The following PHF8 variants were observed in gnomAD, a reference collection of about 807,000 sequenced individuals.
PHF8 encodes PHD finger protein 8, also known as histone lysine demethylase PHF8.
PHF8 carries 9 observed loss-of-function variants against 74.4 expected under a neutral mutation model. The observed-to-expected ratio is 0.12, with a 90% CI of 0.07 to 0.21. The LOEUF (loss-of-function observed/expected upper bound fraction) is 0.21. Ranked by LOEUF, PHF8 falls within the 10% of genes least tolerant of loss-of-function variation. The pLI is 1.00. For missense variants in PHF8, 478 were observed against 816.6 expected (o/e 0.59, Z 5.05); for synonymous variants, 311 against 316.6 (o/e 0.98, Z 0.19).
At chrX:54,047,634 A>AG (rs1317251393), upstream of PHF8, among the ~76,000 whole-genome samples, 1 of 111,732 alleles carries the variant, frequency 8.9e-6, no homozygotes, top group Non-Finnish European at 1.9e-5. Flanking sequence ...CTGGGGATTT[A>AG]GGGGTAAACA....
intron 7 of PHF8, among the ~76,000 whole-genome samples, chrX:54,011,801 T>C (rs1407575063): frequency 9.4e-6 from 1 of 106,778 alleles, no homozygotes; most frequent in Non-Finnish European, 1.9e-5. Context: ...GATTATCTTT[T>C]GGAAGAACAT....
intron 20 of PHF8, chrX:53,942,558 A>G (rs782391881): frequency 3.0e-5 from 9 of 297,720 alleles, no homozygotes; most frequent in South Asian, 1.7e-4. Context: ...AATACTGACT[A>G]AACACATTTT....
At chrX:54,001,053 C>T (rs1182870651) in intron 10 of PHF8, among the ~76,000 whole-genome samples, 3 of 112,392 alleles carry the variant, frequency 2.7e-5, no homozygotes, top group Admixed American at 9.4e-5. Context: ...TTTGGCCAGG[C>T]GTGGTGGCTC....
chrX:54,037,239 TTTTG>T (rs1332009082), intron 2 of PHF8, among the ~76,000 whole-genome samples: 5 of 111,242 alleles, frequency 4.5e-5, no homozygotes, highest in African/African-American at 6.6e-5. Flanking sequence ...GACAAATTTT[TTTTG>T]TTTGTTTGTT....
At chrX:53,956,677 T>C (rs1476435798) in intron 19 of PHF8, among the ~76,000 whole-genome samples, 2 of 95,039 alleles carry the variant, frequency 2.1e-5, no homozygotes, top group African/African-American at 3.9e-5. Context: ...AATATGTGCG[T>C]GTGTGTGTGT....
chrX:53,986,623 G>A (rs1300092095), intron 16 of PHF8, among the ~76,000 whole-genome samples: 1 of 112,148 alleles, frequency 8.9e-6, no homozygotes, highest in African/African-American at 3.2e-5. Flanking sequence ...AGCAGCACTT[G>A]GCACACAATC....
chrX:54,006,122 T>C (rs1174563028), intron 8 of PHF8, among the ~76,000 whole-genome samples: 2 of 111,924 alleles, frequency 1.8e-5, no homozygotes, highest in African/African-American at 3.2e-5. Context: ...TTAAGACAAA[T>C]ACATGGAAAA....
chrX:53,991,397 C>T (rs944165981), intron 14 of PHF8, among the ~76,000 whole-genome samples: 1 of 111,559 alleles, frequency 9.0e-6, no homozygotes, highest in South Asian at 3.7e-4. Context: ...CATGTTGGCT[C>T]ATGCCTGTAA....
At chrX:53,946,628 T>C (rs1357939493) in intron 19 of PHF8, among the ~76,000 whole-genome samples, 3 of 112,160 alleles carry the variant, frequency 2.7e-5, no homozygotes, top group African/African-American at 9.7e-5. Context: ...GAGAGTGCTC[T>C]AGATTGAGAG....
At chrX:53,987,976 T>G in intron 14 of PHF8, 32 bp from the exon 15 acceptor site, 35 of 1,096,321 alleles carry the variant, frequency 3.2e-5, no homozygotes, top group Non-Finnish European at 4.4e-5. Flanking sequence ...AAACAGTCAC[T>G]AGCAGTATTG....
At chrX:54,036,469 A>G (rs782642572) in intron 2 of PHF8, among the ~76,000 whole-genome samples, 2 of 100,226 alleles carry the variant, frequency 2.0e-5, no homozygotes, top group South Asian at 1.0e-3. Flanking sequence ...AAATGCCTTG[A>G]GGCAGCAGGA....
In PHF8 at chrX:53,940,270, C is replaced by T. The variant is rs1557083035; in HGVS notation, c.2896G>A (p.Ala966Thr). The T allele has an allele frequency of 8.3e-7, 1 of 1,203,182 alleles. No homozygotes were observed. The highest frequency in any genetic ancestry group is 1.1e-6 in the Non-Finnish European group (1 of 891,014). The change falls in exon 21 of 22, where the codon GCA becomes ACA. Residue 966 changes from alanine (A) to threonine (T), a missense_variant. Physicochemically the swap from Ala to Thr is moderately conservative, Grantham distance 58 (BLOSUM62 0). Coordinates refer to ENST00000338154, the MANE Select transcript of PHF8 (RefSeq NM_015107.3). ...ARPNAFGMAQ[A>T]NRSTTPMAPG... ...GCCATAGGTGTGGTGCTGCGGTTTGCCTGGGCCATGCCAAAGGCATTGGGA... is the reference window on the plus strand; with the variant it reads ...GCCATAGGTGTGGTGCTGCGGTTTGTCTGGGCCATGCCAAAGGCATTGGGA...
In PHF8 at chrX:53,962,726, T is replaced by C. The variant is rs113872991; in HGVS notation, c.2539+118A>G. The C allele has an allele frequency of 3.2e-3, 1,718 of 539,754 alleles. 22 individuals are homozygous for C. In the African/African-American group the frequency reaches 0.035, roughly 11 times the overall value. The allele number at this position is 539,754 out of a possible 1,213,427, so 44.5% of individuals were successfully genotyped here. On this transcript the variant is annotated intron_variant, in intron 19 of 21. Coordinates refer to ENST00000338154, the MANE Select transcript of PHF8 (RefSeq NM_015107.3). Reference sequence around the variant, plus strand: ...CACACAGCAGACACTCAACAAATGTTTGCTGAATAAACAAATGAGTGACTG... The same window carrying C: ...CACACAGCAGACACTCAACAAATGTCTGCTGAATAAACAAATGAGTGACTG...
intron 12 of PHF8, among the ~76,000 whole-genome samples, chrX:53,994,783 GCTCA>G (rs1167836094): frequency 3.6e-5 from 4 of 112,137 alleles, no homozygotes; most frequent in African/African-American, 1.3e-4. Context: ...CAACTTCCCA[GCTCA>G]CTTTGACCAC....
chrX:54,011,862 CAAAAAAAAAA>C (rs11397654), intron 7 of PHF8, among the ~76,000 whole-genome samples: 1 of 40,066 alleles, frequency 2.5e-5, no homozygotes, highest in Admixed American at 3.2e-4. Flanking sequence ...GATAATTTGG[CAAAAAAAAAA>C]AAAAAAAAAG....
Position 53,972,190 on chromosome X carries a change from G to T in PHF8, c.2444-9251C>A, listed in dbSNP as rs2065302556. On this transcript the variant is annotated intron_variant, in intron 18 of 21. Coordinates refer to ENST00000338154, the MANE Select transcript of PHF8 (RefSeq NM_015107.3). Reference sequence around the variant, plus strand: ...ATAGAAAAATTAGCTGGGCATAGTGGTACGCATCTGTAGTTCCAGCTACTC... The same window carrying T: ...ATAGAAAAATTAGCTGGGCATAGTGTTACGCATCTGTAGTTCCAGCTACTC... Among the ~76,000 whole-genome samples the T allele has an allele frequency of 2.8e-5, 3 of 109,081 alleles. No homozygotes were observed. In the South Asian group the frequency reaches 1.2e-3, roughly 44 times the overall value. The allele number at this position is 109,081 out of a possible 115,157, so 94.7% of individuals were successfully genotyped here.
At chrX:54,043,020 TCCCACCGCC>T in intron 1 of PHF8, 200 bp from the exon 2 acceptor site, 2 of 466,634 alleles carry the variant, frequency 4.3e-6, no homozygotes. Flanking sequence ...CTTCCAGGCT[TCCCACCGCC>T]CCCACACTCT....
At position 53,987,746 on chromosome X, in the gene PHF8, A is replaced by C; in HGVS notation, c.1909+20T>G. On this transcript the variant is annotated intron_variant, in intron 15 of 21. Transcript: ENST00000338154. ...ACAAAAAAACGGGCAGGGGAGGAAAAAGAAAGAACAGACACACACTTGGTC... is the reference window on the plus strand; with the variant it reads ...ACAAAAAAACGGGCAGGGGAGGAAACAGAAAGAACAGACACACACTTGGTC... 8.6e-7 allele frequency: 1 copy of C among 1,161,681 alleles called. No individual in the cohort carries two copies. Among genetic ancestry groups the C allele is most frequent in the Non-Finnish European group, 1.2e-6 (1 of 861,439 alleles).
rs782355832 is a variant in PHF8, at chrX:53,936,694, C to T, written c.*2464G>A. The stretch of plus-strand genomic sequence containing the variant: ...AAGCAAAGCAATTGCCAAGATAAAT[C>T]ACTTTTATCTCTATAGGAAAGGGAG... On this transcript the variant is annotated 3_prime_UTR_variant, in exon 22 of 22. Coordinates refer to ENST00000338154, the MANE Select transcript of PHF8 (RefSeq NM_015107.3). 8 of 110,783 alleles carry T rather than the reference C, an allele frequency of 7.2e-5. No individual in the cohort carries two copies. The highest frequency in any genetic ancestry group is 1.3e-4 in the Non-Finnish European group (7 of 52,928). The allele number at this position is 110,783 out of a possible 1,213,427, so 9.1% of individuals were successfully genotyped here.
Sources: gnomAD v4.1 joint callset for allele counts (sites outside exome capture counted in the v4.1 genomes callset) on GRCh38, gnomAD v4.1.1 for gene constraint, MANE v1.5 for transcripts, NCBI Gene and HGNC (gene_info 2026-07-23, HGNC 2026-07-21) for gene names.